CNTNAP2: variants seen among roughly 807,000 people sequenced by gnomAD.
The protein encoded by CNTNAP2 is contactin-associated protein-like 2.
CNTNAP2 carries 98 observed loss-of-function variants against 155.2 expected under a neutral mutation model. The observed-to-expected ratio is 0.63, with a 90% confidence interval of 0.54 to 0.75. The LOEUF is 0.75. CNTNAP2 is among the 30% of genes least tolerant of loss of function. The pLI, the probability that CNTNAP2 is intolerant of heterozygous loss-of-function variation, is 0.00. For missense variants in CNTNAP2, 1,727 were observed against 1,688.1 expected (o/e 1.02, Z -0.40); for synonymous variants, 651 against 631.2 (o/e 1.03, Z -0.47).
chr7:148,374,857 A>C (rs1290933459), intron 21 of CNTNAP2, among the ~76,000 whole-genome samples: 3 of 152,222 alleles, frequency 2.0e-5, no homozygotes, highest in African/African-American at 7.2e-5. Context: ...GATTCGAAGA[A>C]GTCAAATCAG....
intron 11 of CNTNAP2, among the ~76,000 whole-genome samples, chr7:147,505,680 A>G (rs191969323): frequency 2.1e-3 from 313 of 152,336 alleles, no homozygotes; most frequent in Non-Finnish European, 3.2e-3. Context: ...ATGTAATGCT[A>G]TCGATCACCA....
intron 21 of CNTNAP2, among the ~76,000 whole-genome samples, chr7:148,296,993 T>A (rs1033026333): frequency 2.6e-5 from 4 of 152,144 alleles, no homozygotes; most frequent in Admixed American, 1.3e-4. Flanking sequence ...ACCTTTTGTT[T>A]TAGAGATAAA....
chr7:147,635,606 G>A (rs1795167346), intron 12 of CNTNAP2, among the ~76,000 whole-genome samples: 1 of 152,158 alleles, frequency 6.6e-6, no homozygotes, highest in Admixed American at 6.5e-5. Context: ...GGTGAGAGGG[G>A]CAGAAGTAGA....
rs10240837 is a variant in CNTNAP2, at chr7:146,127,869, G to A, written c.97+10896G>A. 6.7e-3 allele frequency among the ~76,000 whole-genome samples: 1,021 copies of A among 152,224 alleles called. 6 individuals are homozygous for A. Among genetic ancestry groups the A allele is most frequent in the African/African-American group, 0.023 (949 of 41,540 alleles). ...TAGTGTGTAATAATCCAGCAGATGC[G>A]TTGATATTGTTGAAGTTGTTATGAA... On this transcript the variant is annotated intron_variant, in intron 1 of 23. Transcript: ENST00000361727.
intron 13 of CNTNAP2, among the ~76,000 whole-genome samples, chr7:147,690,229 T>C (rs1277185413): frequency 1.3e-5 from 2 of 152,182 alleles, no homozygotes; most frequent in East Asian, 3.9e-4. Context: ...AAATGACTTT[T>C]TTCCCTGTCC....
intron 15 of CNTNAP2, among the ~76,000 whole-genome samples, chr7:148,059,434 A>T (rs575759690): frequency 6.6e-6 from 1 of 152,102 alleles, no homozygotes; most frequent in South Asian, 2.1e-4. Context: ...TCTACTAAAA[A>T]TACAAAATTA....
chr7:146,558,266 C>T (rs1563134352), intron 1 of CNTNAP2, among the ~76,000 whole-genome samples: 1 of 152,050 alleles, frequency 6.6e-6, no homozygotes, highest in African/African-American at 2.4e-5. Context: ...GGTATCTTAG[C>T]AAGTCCACAT....
At chr7:147,235,844 C>G (rs1016622745) in intron 8 of CNTNAP2, among the ~76,000 whole-genome samples, 2 of 151,476 alleles carry the variant, frequency 1.3e-5, no homozygotes, top group Non-Finnish European at 3.0e-5. Flanking sequence ...AGTAGATGCC[C>G]GAGGGACTAC....
At chr7:147,462,175 G>A (rs2116589873) in intron 10 of CNTNAP2, among the ~76,000 whole-genome samples, 1 of 152,204 alleles carries the variant, frequency 6.6e-6, no homozygotes, top group Non-Finnish European at 1.5e-5. Flanking sequence ...AGAAGGACAA[G>A]CCTCCCCATC....
intron 1 of CNTNAP2, among the ~76,000 whole-genome samples, chr7:146,248,299 G>A (rs190784148): frequency 1.5e-3 from 223 of 152,134 alleles, no homozygotes; most frequent in Middle Eastern, 0.01. Flanking sequence ...CCAGAAAGGC[G>A]GAGAAGACAC....
Position 146,268,973 on chromosome 7 carries a change from T to C in CNTNAP2, c.97+152000T>C, listed in dbSNP as rs1392219759. Reference sequence around the variant, plus strand: ...AAGCATAATTTAAAACCATCATCTTTACCTAATGATCAAAGCCTTTGGCCT... The same window carrying C: ...AAGCATAATTTAAAACCATCATCTTCACCTAATGATCAAAGCCTTTGGCCT... On this transcript the variant is annotated intron_variant, in intron 1 of 23. Coordinates refer to ENST00000361727, the MANE Select transcript of CNTNAP2 (RefSeq NM_014141.6). 2.0e-5 allele frequency among the ~76,000 whole-genome samples: 3 copies of C among 152,190 alleles called. No individual in the cohort carries two copies. In the East Asian group the frequency reaches 5.8e-4, roughly 29 times the overall value.
At position 147,978,957 on chromosome 7, in the gene CNTNAP2, G is replaced by A. The variant is rs186259209; in HGVS notation, c.2383+968G>A. On this transcript the variant is annotated intron_variant, in intron 15 of 23. Transcript: ENST00000361727. ...GTGAATATTTTAGTGCCTGGATTTG[G>A]ATTCCTCCTAGCAAAGCATTATGTG... 9.7e-4 allele frequency among the ~76,000 whole-genome samples: 147 copies of A among 152,224 alleles called. 1 individual carries two copies. The highest frequency in any genetic ancestry group is 3.3e-3 in the Admixed American group (50 of 15,290).
intron 2 of CNTNAP2, among the ~76,000 whole-genome samples, chr7:146,824,674 T>C (rs139141056): frequency 5.5e-4 from 83 of 152,022 alleles, no homozygotes; most frequent in African/African-American, 1.9e-3. Context: ...CAAAAATATC[T>C]TATAACTAGG....
chr7:148,061,916 C>T (rs9691678), intron 15 of CNTNAP2, among the ~76,000 whole-genome samples: 11,290 of 90,784 alleles, frequency 0.12, 866 homozygotes, highest in East Asian at 0.31. Flanking sequence ...GATAGATAAA[C>T]AGATATAGAT....
At chr7:146,785,764 TATC>T in intron 2 of CNTNAP2, among the ~76,000 whole-genome samples, 1 of 152,348 alleles carries the variant, frequency 6.6e-6, no homozygotes. Flanking sequence ...GGCCCTCTCA[TATC>T]AACATTCTTT....
chr7:146,685,873 A>T (rs969144665), intron 1 of CNTNAP2, among the ~76,000 whole-genome samples: 3 of 152,226 alleles, frequency 2.0e-5, no homozygotes, highest in African/African-American at 7.2e-5. Flanking sequence ...GAAAGAGGAA[A>T]ACATTCAGTC....
intron 11 of CNTNAP2, among the ~76,000 whole-genome samples, chr7:147,509,912 T>TCGATA (rs1798984874): frequency 1.3e-5 from 2 of 152,126 alleles, no homozygotes; most frequent in Non-Finnish European, 2.9e-5. Context: ...CACCAGTCAA[T>TCGATA]CCAACAGTTC....
chr7:147,627,512 A>G (rs1338500340), intron 12 of CNTNAP2, among the ~76,000 whole-genome samples: 1 of 151,998 alleles, frequency 6.6e-6, no homozygotes, highest in Non-Finnish European at 1.5e-5. Flanking sequence ...CCTGGCCAAC[A>G]TAGTGAAACC....
In CNTNAP2 at chr7:147,778,161, T is replaced by A. The variant is rs576422211; in HGVS notation, c.2099-125404T>A. On this transcript the variant is annotated intron_variant, in intron 13 of 23. Coordinates refer to ENST00000361727, the MANE Select transcript of CNTNAP2 (RefSeq NM_014141.6). ...TCCCAAAACTCATCTACATGTTTAG[T>A]TTTCAATTTTCTTATAGCCTTTTGA... Among the ~76,000 whole-genome samples the A allele has an allele frequency of 3.9e-5, 6 of 152,360 alleles. No homozygotes were observed. In the South Asian group the frequency reaches 1.2e-3, roughly 32 times the overall value.
Sources: allele counts gnomAD v4.1 joint callset (sites outside exome capture counted in the v4.1 genomes callset), GRCh38; gene constraint gnomAD v4.1.1; transcripts MANE v1.5; gene names NCBI Gene and HGNC (gene_info 2026-07-23, HGNC 2026-07-21).